Variants in CTNNA3 observed in about 807,000 individuals in gnomAD.
CTNNA3 encodes the protein catenin alpha 3.
Under a neutral mutation model 95.7 loss-of-function variants are expected in CTNNA3, and 76 were observed. That is an observed-to-expected ratio of 0.79 (90% confidence interval 0.66 to 0.96). The LOEUF (loss-of-function observed/expected upper bound fraction) is 0.96, where lower values mean the gene tolerates loss of function less well. CTNNA3 is among the 40% of genes least tolerant of loss of function. CTNNA3 has a pLI of 0.00. For synonymous variants in CTNNA3, 431 were observed against 374.4 expected, an observed-to-expected ratio of 1.15 and a Z score of -1.74; for missense variants, 1,191 against 1,089.8, an observed-to-expected ratio of 1.09 and a Z score of -1.31.
intron 7 of CTNNA3, among the ~76,000 whole-genome samples, chr10:66,871,984 G>C (rs1044246246): frequency 1.4e-4 from 22 of 152,110 alleles, no homozygotes; most frequent in African/African-American, 5.1e-4. Flanking sequence ...CACTGCACAA[G>C]GTATAAATTC....
intron 7 of CTNNA3, among the ~76,000 whole-genome samples, chr10:66,788,369 G>A (rs1248273402): frequency 6.6e-6 from 1 of 152,128 alleles, no homozygotes; most frequent in African/African-American, 2.4e-5. Flanking sequence ...TGATACAGCA[G>A]CACAAAGCTC....
At chr10:67,513,443 G>T (rs1399485762) in intron 5 of CTNNA3, among the ~76,000 whole-genome samples, 1 of 152,184 alleles carries the variant, frequency 6.6e-6, no homozygotes, top group Non-Finnish European at 1.5e-5. Context: ...ATGTAGAGTG[G>T]CTGGAGGCTT....
chr10:67,049,908 T>C (rs768454944), intron 7 of CTNNA3, among the ~76,000 whole-genome samples: 1 of 152,220 alleles, frequency 6.6e-6, no homozygotes, highest in Non-Finnish European at 1.5e-5. Context: ...TCTTAGCATA[T>C]GCTGTGTTTC....
intron 5 of CTNNA3, among the ~76,000 whole-genome samples, chr10:67,339,830 GT>G (rs2132610208): frequency 6.6e-6 from 1 of 152,220 alleles, no homozygotes; most frequent in Non-Finnish European, 1.5e-5. Flanking sequence ...GATGTGCTTT[GT>G]TTTGATTGAT....
intron 15 of CTNNA3, among the ~76,000 whole-genome samples, chr10:66,046,345 A>C (rs1317564337): frequency 6.6e-6 from 1 of 152,186 alleles, no homozygotes; most frequent in African/African-American, 2.4e-5. Context: ...GCTCAGCCAT[A>C]TGTGGAGACC....
chr10:67,224,645 T>C (rs982226884), intron 5 of CTNNA3, among the ~76,000 whole-genome samples: 3 of 152,028 alleles, frequency 2.0e-5, no homozygotes, highest in African/African-American at 7.2e-5. Context: ...TGACCTTACC[T>C]GGAGCTGAGT....
intron 5 of CTNNA3, among the ~76,000 whole-genome samples, chr10:67,280,752 A>G (rs1211712784): frequency 6.6e-6 from 1 of 152,078 alleles, no homozygotes; most frequent in Non-Finnish European, 1.5e-5. Flanking sequence ...CACTGGGACC[A>G]TTTAATTTCC....
intron 16 of CTNNA3, among the ~76,000 whole-genome samples, chr10:65,978,004 T>G (rs1166051145): frequency 6.6e-6 from 1 of 152,134 alleles, no homozygotes; most frequent in African/African-American, 2.4e-5. Flanking sequence ...CTGTAATGCC[T>G]TGTTTCATCT....
intron 14 of CTNNA3, among the ~76,000 whole-genome samples, chr10:66,094,171 G>A (rs905156749): frequency 1.3e-5 from 2 of 151,884 alleles, no homozygotes; most frequent in Admixed American, 1.3e-4. Context: ...GGAAAGAGGG[G>A]GCAGCGTAGG....
At chr10:67,391,814 C>G in intron 5 of CTNNA3, among the ~76,000 whole-genome samples, 1 of 151,350 alleles carries the variant, frequency 6.6e-6, no homozygotes, top group Non-Finnish European at 1.5e-5. Flanking sequence ...AAAGGATTCC[C>G]TGTTTAATAA....
chr10:66,960,447 G>A (rs1589497164), intron 7 of CTNNA3, among the ~76,000 whole-genome samples: 1 of 152,088 alleles, frequency 6.6e-6, no homozygotes, highest in African/African-American at 2.4e-5. Flanking sequence ...AAACCCTACA[G>A]CAAAACAGAA....
chr10:67,209,473 A>G (rs1423132478), intron 6 of CTNNA3, among the ~76,000 whole-genome samples: 1 of 152,232 alleles, frequency 6.6e-6, no homozygotes, highest in African/African-American at 2.4e-5. Context: ...AAACAGAAGT[A>G]AGAATGAAGA....
chr10:66,585,973 T>C (rs1285806465), intron 10 of CTNNA3, among the ~76,000 whole-genome samples: 2 of 152,154 alleles, frequency 1.3e-5, no homozygotes, highest in African/African-American at 2.4e-5. Flanking sequence ...ACTTTAACAT[T>C]TATAGTTTAT....
intron 5 of CTNNA3, among the ~76,000 whole-genome samples, chr10:67,457,892 T>C (rs1847232013): frequency 6.6e-6 from 1 of 152,114 alleles, no homozygotes; most frequent in Non-Finnish European, 1.5e-5. Context: ...TCCAGGATCA[T>C]CTCCATATTT....
chr10:67,711,577 A>C (rs537372356), intron 1 of CTNNA3, among the ~76,000 whole-genome samples: 10 of 130,456 alleles, frequency 7.7e-5, no homozygotes, highest in Admixed American at 1.4e-4. Flanking sequence ...AAATTTATTT[A>C]TTTATTTATT....
intron 3 of CTNNA3, among the ~76,000 whole-genome samples, chr10:67,569,541 A>G (rs1301922489): frequency 1.3e-5 from 2 of 152,176 alleles, no homozygotes; most frequent in African/African-American, 2.4e-5. Context: ...GTCTGAAATC[A>G]GAGGTGTGAT....
chr10:67,286,354 G>A (rs533808608), intron 5 of CTNNA3, among the ~76,000 whole-genome samples: 1 of 152,278 alleles, frequency 6.6e-6, no homozygotes, highest in East Asian at 1.9e-4. Context: ...TTTAGAGCCT[G>A]GAGCTCTTAG....
intron 12 of CTNNA3, among the ~76,000 whole-genome samples, chr10:66,345,300 T>G (rs2092496984): frequency 6.6e-6 from 1 of 152,014 alleles, no homozygotes; most frequent in African/African-American, 2.4e-5. Flanking sequence ...TTCTGGAAAA[T>G]GTATAGCATC....
chr10:66,863,228 T>C (rs1589349698), intron 7 of CTNNA3, among the ~76,000 whole-genome samples: 1 of 151,292 alleles, frequency 6.6e-6, no homozygotes, highest in South Asian at 2.1e-4. Flanking sequence ...CATATATATA[T>C]ATAATACAAT....
Sources: allele counts gnomAD v4.1 joint callset (sites outside exome capture counted in the v4.1 genomes callset), GRCh38; gene constraint gnomAD v4.1.1; transcripts MANE v1.5; gene names NCBI Gene and HGNC (gene_info 2026-07-23, HGNC 2026-07-21).